Variants in AGPS observed in about 807,000 individuals in gnomAD.
The protein encoded by AGPS is alkylglycerone phosphate synthase.
In AGPS, 26 loss-of-function variants were observed where a neutral mutation model predicts 90.7. That is an observed-to-expected ratio of 0.29 (90% confidence interval 0.21 to 0.40). AGPS has a LOEUF of 0.40. Among genes scored for constraint, AGPS ranks in the 10% least tolerant of loss-of-function variants. The pLI, the probability that AGPS is intolerant of heterozygous loss-of-function variation, is 1.00. For missense variants in AGPS, 540 were observed against 816.1 expected (o/e 0.66, Z 4.12); for synonymous variants, 294 against 285.3 (o/e 1.03, Z -0.31).
intron 12 of AGPS, 43 bp downstream of exon 12, chr2:177,493,242 A>T (rs376559689): frequency 1.3e-6 from 2 of 1,526,144 alleles, no homozygotes; most frequent in Non-Finnish European, 1.8e-6. Flanking sequence ...TTAGCCACAG[A>T]AATTTATGAA....
At position 177,434,997 on chromosome 2, in the gene AGPS, G is replaced by GGGTGTATATATATATA. The variant is rs36151985; in HGVS notation, c.441+580_441+581insGGTGTATATATATATA. On this transcript the variant is annotated intron_variant, in intron 3 of 19. Transcript: ENST00000264167. Reference sequence around the variant, plus strand: ...GGGATTAGGAAACTTTAAACTGTAGGTATATATATATATATATATATATAT... The same window carrying GGGTGTATATATATATA: ...GGGATTAGGAAACTTTAAACTGTAGGGGTGTATATATATATATATATATATATATATATATATATAT... Among the ~76,000 whole-genome samples, 112 of 128,124 alleles carry GGGTGTATATATATATA rather than the reference G, an allele frequency of 8.7e-4. 2 individuals are homozygous for GGGTGTATATATATATA. Among genetic ancestry groups the GGGTGTATATATATATA allele is most frequent in the African/African-American group, 3.3e-3 (108 of 32,636 alleles). The allele number at this position is 128,124 out of a possible 152,430, so 84.1% of individuals were successfully genotyped here.
chr2:177,520,555 T>C (rs1033359345), intron 17 of AGPS, among the ~76,000 whole-genome samples: 4 of 152,184 alleles, frequency 2.6e-5, no homozygotes, highest in Non-Finnish European at 4.4e-5. Context: ...AATGTAGTTT[T>C]CACTTGCACA....
rs1394242362 is a variant in AGPS, at chr2:177,539,040, G to C, written c.*845G>C. On this transcript the variant is annotated 3_prime_UTR_variant, in exon 20 of 20. Coordinates refer to ENST00000264167, the MANE Select transcript of AGPS (RefSeq NM_003659.4). ...ACATTCTTGTTGCTGAAATGCAGAA[G>C]AAACAGCTACAGCAAGAGCAGAAGG... The C allele has an allele frequency of 6.6e-6, 1 of 152,012 alleles. No individual in the cohort carries two copies. Among genetic ancestry groups the C allele is most frequent in the Non-Finnish European group, 1.5e-5 (1 of 67,930 alleles). 9.4% of individuals were successfully genotyped at this position (152,012 alleles called of 1,614,324 possible).
At chr2:177,531,091 A>T (rs369346378) in intron 19 of AGPS, among the ~76,000 whole-genome samples, 3 of 152,178 alleles carry the variant, frequency 2.0e-5, no homozygotes, top group African/African-American at 7.2e-5. Flanking sequence ...GTCTTACCAG[A>T]ATCTAATAGT....
intron 14 of AGPS, among the ~76,000 whole-genome samples, chr2:177,500,390 AATCTT>A (rs1652713430): frequency 6.6e-6 from 1 of 152,008 alleles, no homozygotes; most frequent in Non-Finnish European, 1.5e-5. Flanking sequence ...TCTAGACACT[AATCTT>A]TTCTTTTTTG....
At chr2:177,492,259 A>G (rs961630053) in intron 11 of AGPS, among the ~76,000 whole-genome samples, 1 of 152,168 alleles carries the variant, frequency 6.6e-6, no homozygotes, top group African/African-American at 2.4e-5. Flanking sequence ...ACTGTCTCAT[A>G]TTTTACTTAT....
intron 1 of AGPS, among the ~76,000 whole-genome samples, chr2:177,409,706 G>A (rs547514104): frequency 6.6e-6 from 1 of 152,048 alleles, no homozygotes; most frequent in Non-Finnish European, 1.5e-5. Flanking sequence ...GGGTGCCTTC[G>A]ATCTCATCAA....
chr2:177,526,056 A>C (rs143956842), intron 19 of AGPS, among the ~76,000 whole-genome samples: 1 of 152,326 alleles, frequency 6.6e-6, no homozygotes, highest in Admixed American at 6.5e-5. Context: ...ACTCTAGTGC[A>C]AATCTGTTTG....
intron 9 of AGPS, among the ~76,000 whole-genome samples, chr2:177,464,559 A>G (rs1001287705): frequency 1.3e-5 from 2 of 152,292 alleles, no homozygotes; most frequent in African/African-American, 2.4e-5. Flanking sequence ...AAGTCTGTGT[A>G]CAATGGGATA....
At chr2:177,484,128 A>G (rs1688026533) in intron 11 of AGPS, among the ~76,000 whole-genome samples, 1 of 152,012 alleles carries the variant, frequency 6.6e-6, no homozygotes, top group African/African-American at 2.4e-5. Flanking sequence ...TGAAATTTCA[A>G]GTGTTTTCAT....
chr2:177,394,575 TG>T (rs1264893493), intron 1 of AGPS, among the ~76,000 whole-genome samples: 19 of 152,192 alleles, frequency 1.2e-4, no homozygotes, highest in African/African-American at 4.3e-4. Context: ...GATTTACCTT[TG>T]ATAAAGGTCA....
At chr2:177,482,729 T>C (rs1379425065) in intron 11 of AGPS, among the ~76,000 whole-genome samples, 2 of 152,138 alleles carry the variant, frequency 1.3e-5, no homozygotes, top group Non-Finnish European at 2.9e-5. Flanking sequence ...AGGAATATAC[T>C]ATGTGTAATA....
chr2:177,488,409 G>A (rs1010315891), intron 11 of AGPS, among the ~76,000 whole-genome samples: 2 of 151,860 alleles, frequency 1.3e-5, no homozygotes, highest in East Asian at 3.9e-4. Flanking sequence ...GTAGAGACAG[G>A]GTTTCACCGT....
intron 14 of AGPS, among the ~76,000 whole-genome samples, chr2:177,505,087 C>A (rs1215115979): frequency 6.6e-6 from 1 of 150,786 alleles, no homozygotes; most frequent in African/African-American, 2.4e-5. Flanking sequence ...ATAAAATAAA[C>A]ACCACATCTA....
chr2:177,478,136 A>AT (rs1687836320), intron 10 of AGPS, among the ~76,000 whole-genome samples: 2 of 151,954 alleles, frequency 1.3e-5, no homozygotes, highest in Non-Finnish European at 1.5e-5. Context: ...TGGTTGACAC[A>AT]TTTTTCCCCC....
chr2:177,400,941 A>G (rs1685313948), intron 1 of AGPS, among the ~76,000 whole-genome samples: 2 of 152,218 alleles, frequency 1.3e-5, no homozygotes, highest in African/African-American at 4.8e-5. Context: ...AATCCAGCCT[A>G]AGGAATATTA....
intron 11 of AGPS, among the ~76,000 whole-genome samples, chr2:177,488,125 A>T (rs1159740771): frequency 6.6e-6 from 1 of 152,146 alleles, no homozygotes; most frequent in Non-Finnish European, 1.5e-5. Context: ...CTGACTTATT[A>T]GTTAGAAGAA....
intron 8 of AGPS, among the ~76,000 whole-genome samples, chr2:177,453,627 A>G (rs1288571698): frequency 1.3e-5 from 2 of 151,748 alleles, no homozygotes; most frequent in African/African-American, 2.4e-5. Context: ...TCCTAAAGAC[A>G]GAAGAATAGT....
rs573780992 is a variant in AGPS, at chr2:177,399,529, C to G, written c.260+6480C>G. 3.3e-5 allele frequency among the ~76,000 whole-genome samples: 5 copies of G among 152,196 alleles called. No individual in the cohort carries two copies. In the East Asian group the frequency reaches 9.7e-4, roughly 29 times the overall value. On this transcript the variant is annotated intron_variant, in intron 1 of 19. Coordinates refer to ENST00000264167, the MANE Select transcript of AGPS (RefSeq NM_003659.4). ...TTTACTGATAATGCTGGTTGGAGAT[C>G]GTGGCTTAGATCTGTACTACCTAAT...
Sources: allele counts gnomAD v4.1 joint callset (sites outside exome capture counted in the v4.1 genomes callset), GRCh38; gene constraint gnomAD v4.1.1; transcripts MANE v1.5; gene names NCBI Gene and HGNC (gene_info 2026-07-23, HGNC 2026-07-21).